CIP2A: variants seen among roughly 807,000 people sequenced by gnomAD.
CIP2A encodes the protein cellular inhibitor of PP2A, also known as protein CIP2A.
A neutral mutation model predicts 110.9 loss-of-function variants in CIP2A; 103 were observed. The ratio of observed to expected loss-of-function variants is 0.93; its 90% CI spans 0.79 to 1.09. The LOEUF is 1.09. CIP2A is among the 50% of genes least tolerant of loss of function. The pLI, the probability that CIP2A is intolerant of heterozygous loss-of-function variation, is 0.00. For missense variants in CIP2A, 1,088 were observed against 1,038.4 expected (o/e 1.05, Z -0.66); for synonymous variants, 381 against 361.6 (o/e 1.05, Z -0.61).
intron 2 of CIP2A, 46 bp from the exon 3 acceptor site, chr3:108,583,129 G>T: frequency 9.4e-7 from 1 of 1,065,924 alleles, no homozygotes; most frequent in Non-Finnish European, 1.4e-6. Context: ...TTCTTACAAG[G>T]TTTTGCAGAT....
chr3:108,569,171 T>TAA, intron 9 of CIP2A, among the ~76,000 whole-genome samples: 2 of 64,914 alleles, frequency 3.1e-5, no homozygotes, highest in Non-Finnish European at 6.7e-5. Context: ...ATGAGCACTA[T>TAA]ATATATATAT....
intron 5 of CIP2A, among the ~76,000 whole-genome samples, chr3:108,580,920 CA>C (rs1332787259): frequency 6.6e-6 from 1 of 152,112 alleles, no homozygotes; most frequent in Non-Finnish European, 1.5e-5. Context: ...CCACCATGCC[CA>C]GCTGATTTAA....
At chr3:108,582,893 C>G (rs1938927582) in intron 3 of CIP2A, 84 bp downstream of exon 3, 1 of 739,284 alleles carries the variant, frequency 1.4e-6, no homozygotes, top group African/African-American at 1.8e-5. Context: ...CATATATACA[C>G]TGTAAGTCAG....
intron 10 of CIP2A, 39 bp from the exon 11 acceptor site, chr3:108,566,677 C>G: frequency 7.5e-7 from 1 of 1,336,016 alleles, no homozygotes; most frequent in South Asian, 1.4e-5. Context: ...AAAATTCTCA[C>G]TTTATGTGTA....
chr3:108,558,948 C>T (rs1937905263), intron 16 of CIP2A, among the ~76,000 whole-genome samples: 1 of 152,112 alleles, frequency 6.6e-6, no homozygotes, highest in Non-Finnish European at 1.5e-5. Context: ...ATAGCAGCTA[C>T]TGTGAAAGAT....
Position 108,565,440 on chromosome 3 carries a change from T to C in CIP2A, c.1430A>G (p.Asp477Gly), listed in dbSNP as rs766617386. 6.3e-7 allele frequency: 1 copy of C among 1,586,788 alleles called. No homozygotes were observed. Among genetic ancestry groups the C allele is most frequent in the African/African-American group, 1.4e-5 (1 of 73,970 alleles). The change falls in exon 12 of 21, where the codon GAT (aspartate) becomes GGT (glycine). Residue 477 changes from aspartate to glycine, a missense_variant. By Grantham distance (94) the Asp-to-Gly change is moderately conservative. Transcript: ENST00000295746. ...CAAATCAAGAGTTTTCAAAATTACA[T>C]CAGCAGCAAGTTTGCTTTAAAGATA... ...ADSELCKLAA[D>G]VILKTLDLIN... is the part of the protein sequence containing the mutation.
chr3:108,556,594 T>C (rs992229159), intron 17 of CIP2A, among the ~76,000 whole-genome samples: 9 of 152,144 alleles, frequency 5.9e-5, no homozygotes, highest in Non-Finnish European at 1.3e-4. Flanking sequence ...GTATCACATT[T>C]TGGAGGAAAA....
At position 108,579,641 on chromosome 3, in the gene CIP2A, A is replaced by G. The variant is rs1370988045; in HGVS notation, c.597T>C (p.His199=). 50 of 1,603,746 alleles carry G rather than the reference A, an allele frequency of 3.1e-5. No homozygotes were observed. Among genetic ancestry groups the G allele is most frequent in the Non-Finnish European group, 4.1e-5 (48 of 1,174,734 alleles). The change falls in exon 6 of 21, where the codon CAT becomes CAC. Residue 199 remains histidine, a synonymous_variant. Transcript: ENST00000295746. ...FYRTLITLLA[H]SSLTVVVFAL... The stretch of plus-strand genomic sequence containing the variant: ...CAAACACAACCACAGTTAAACTACT[A>G]TGGGCCAACAAGGTGATAAGAGTTC...
At position 108,582,112 on chromosome 3, in the gene CIP2A, G is replaced by C. The variant is rs1349728363; in HGVS notation, c.448C>G (p.His150Asp). ...IDELITFLID[H>D]IQSSEDELKM... ...TATGTTTGATTGCATACTCACATGT[G>C]ATCTATCAGGAACGTAATTAATTCA... The change falls in exon 4 of 21, where the codon CAC becomes GAC. Residue 150 changes from histidine to aspartate, a missense_variant. Transcript: ENST00000295746. 5.0e-6 allele frequency: 7 copies of C among 1,390,280 alleles called. No individual in the cohort carries two copies. The highest frequency in any genetic ancestry group is 1.9e-5 in the Admixed American group (1 of 52,780). 86.1% of individuals were successfully genotyped at this position (1,390,280 alleles called of 1,614,324 possible).
chr3:108,551,382 C>T (rs2083896778), intron 20 of CIP2A, 63 bp from the exon 21 acceptor site: 1 of 1,205,354 alleles, frequency 8.3e-7, no homozygotes, highest in East Asian at 2.5e-5. Context: ...AATGTTTTCT[C>T]TATACATATA....
In CIP2A at chr3:108,552,219, G is replaced by A. The variant is rs572444209; in HGVS notation, c.2547+15C>T. The A allele has an allele frequency of 6.5e-6, 10 of 1,541,728 alleles. 1 individual carries two copies. Among genetic ancestry groups the A allele is most frequent in the South Asian group, 5.1e-5 (4 of 78,718 alleles). On this transcript the variant is annotated intron_variant, in intron 20 of 20. Coordinates refer to ENST00000295746, the MANE Select transcript of CIP2A (RefSeq NM_020890.3). The stretch of plus-strand genomic sequence containing the variant: ...TTTTATTTTACTGCAAATGAGAAAT[G>A]GAACAGATTCTTACCTTAATGCTCA...
rs774630954 is a variant in CIP2A at position 108,583,099 on chromosome 3, A to G, written c.251-16T>C. The stretch of plus-strand genomic sequence containing the variant: ...ATGTCTACTGCTATAAGTTAAAATA[A>G]AAGCACAAAATATATCATTTTCTTA... On this transcript the variant is annotated splice_polypyrimidine_tract_variant and intron_variant, in intron 2 of 20. Coordinates refer to ENST00000295746, the MANE Select transcript of CIP2A (RefSeq NM_020890.3). 6 of 1,419,250 alleles carry G rather than the reference A, an allele frequency of 4.2e-6. No individual in the cohort carries two copies. The Admixed American group carries it at 1.1e-4, about 26-fold the overall frequency. The allele number at this position is 1,419,250 out of a possible 1,614,324, so 87.9% of individuals were successfully genotyped here.
intron 1 of CIP2A, among the ~76,000 whole-genome samples, chr3:108,586,869 G>A (rs1158039622): frequency 6.6e-6 from 1 of 152,120 alleles, no homozygotes; most frequent in African/African-American, 2.4e-5. Context: ...TCTGCATGGG[G>A]CTATAAAAGT....
rs749575968 is a variant in CIP2A at position 108,568,285 on chromosome 3, C to T, written c.1143G>A (p.Ser381=). The change falls in exon 10 of 21, where the codon TCG becomes TCA. Residue 381 remains serine, a synonymous_variant. Coordinates refer to ENST00000295746, the MANE Select transcript of CIP2A (RefSeq NM_020890.3). ...EDVIDAANCS[S]ADRFVTLLLP... Reference sequence around the variant, plus strand: ...GCAGAAGGGTCACAAAACGATCAGCCGAGGAACAGTTAGCAGCATCTATGA... The same window carrying T: ...GCAGAAGGGTCACAAAACGATCAGCTGAGGAACAGTTAGCAGCATCTATGA... 9.9e-6 allele frequency: 16 copies of T among 1,611,700 alleles called. No individual in the cohort carries two copies. The highest frequency in any genetic ancestry group is 2.2e-5 in the East Asian group (1 of 44,790).
At chr3:108,580,992 G>A (rs1938854930) in intron 5 of CIP2A, among the ~76,000 whole-genome samples, 1 of 152,194 alleles carries the variant, frequency 6.6e-6, no homozygotes, top group South Asian at 2.1e-4. Context: ...CACAAGTACT[G>A]TTGGTTCATA....
intron 10 of CIP2A, among the ~76,000 whole-genome samples, chr3:108,567,628 T>C (rs1393528719): frequency 6.6e-6 from 1 of 151,934 alleles, no homozygotes; most frequent in Non-Finnish European, 1.5e-5. Flanking sequence ...AATGAATGAA[T>C]TTGTGTTGAT....
At chr3:108,561,945 G>A (rs1018406922) in intron 13 of CIP2A, among the ~76,000 whole-genome samples, 2 of 152,082 alleles carry the variant, frequency 1.3e-5, no homozygotes, top group African/African-American at 2.4e-5. Context: ...CCCCTTTGAA[G>A]CTCTTAAGGT....
At chr3:108,556,000 T>A (rs1387533384) in intron 17 of CIP2A, among the ~76,000 whole-genome samples, 2 of 152,164 alleles carry the variant, frequency 1.3e-5, no homozygotes, top group African/African-American at 4.8e-5. Flanking sequence ...ATACCTGGTT[T>A]TACTGTATTG....
chr3:108,587,723 C>G (rs1939105603), intron 1 of CIP2A, among the ~76,000 whole-genome samples: 1 of 152,216 alleles, frequency 6.6e-6, no homozygotes, highest in South Asian at 2.1e-4. Context: ...TTATGTAAAC[C>G]CCTTGAAAGT....
Sources: gnomAD v4.1 joint callset for allele counts (sites outside exome capture counted in the v4.1 genomes callset) on GRCh38, gnomAD v4.1.1 for gene constraint, MANE v1.5 for transcripts, NCBI Gene and HGNC (gene_info 2026-07-23, HGNC 2026-07-21) for gene names.